SH3PXD2A: variants seen among roughly 807,000 people sequenced by gnomAD.
SH3PXD2A encodes the protein SH3 and PX domain-containing protein 2A.
In SH3PXD2A, 32 loss-of-function variants were observed where a neutral mutation model predicts 115.2. The ratio of observed to expected loss-of-function variants is 0.28; its 90% CI spans 0.21 to 0.37. The LOEUF (loss-of-function observed/expected upper bound fraction) is 0.37, where lower values mean the gene tolerates loss of function less well. Ranked by LOEUF, SH3PXD2A falls within the 10% of genes least tolerant of loss-of-function variation. The pLI is 1.00. For synonymous variants in SH3PXD2A, 610 were observed against 629.1 expected, an observed-to-expected ratio of 0.97 and a Z score of 0.45; for missense variants, 1,328 against 1,498.7, an observed-to-expected ratio of 0.89 and a Z score of 1.88.
chr10:103,708,050 C>T (rs916493748), intron 5 of SH3PXD2A, among the ~76,000 whole-genome samples: 2 of 152,180 alleles, frequency 1.3e-5, no homozygotes, highest in African/African-American at 4.8e-5. Flanking sequence ...TGTCCTCCTG[C>T]GCTCCTGGCT....
intron 7 of SH3PXD2A, among the ~76,000 whole-genome samples, chr10:103,668,337 G>A (rs1024077125): frequency 7.9e-4 from 120 of 152,382 alleles, no homozygotes; most frequent in African/African-American, 2.6e-3. Context: ...TGGCCAGGAC[G>A]TAGCAGAGCT....
intron 8 of SH3PXD2A, among the ~76,000 whole-genome samples, chr10:103,642,548 G>A (rs1253216997): frequency 6.6e-6 from 1 of 152,132 alleles, no homozygotes; most frequent in Non-Finnish European, 1.5e-5. Context: ...TGTGGTGCCT[G>A]GTCCTTCAGA....
At chr10:103,819,819 G>A (rs377653131) in intron 1 of SH3PXD2A, among the ~76,000 whole-genome samples, 4 of 152,110 alleles carry the variant, frequency 2.6e-5, no homozygotes, top group African/African-American at 9.6e-5. Context: ...AGTGAAATGC[G>A]TGGGGTCCCT....
chr10:103,728,897 G>GTTTTTTTTTTTTTT (rs57283527), intron 4 of SH3PXD2A, among the ~76,000 whole-genome samples: 4 of 135,902 alleles, frequency 2.9e-5, no homozygotes, highest in African/African-American at 5.4e-5. Flanking sequence ...TTGTTTGTTT[G>GTTTTTTTTTTTTTT]TTTTTTTTTT....
intron 2 of SH3PXD2A, among the ~76,000 whole-genome samples, chr10:103,793,584 A>C (rs548534050): frequency 1.6e-4 from 24 of 152,362 alleles, no homozygotes; most frequent in South Asian, 6.2e-4. Context: ...ACCTCAGTCA[A>C]GGCTGATGTT....
In SH3PXD2A at chr10:103,803,372, CAT is replaced by C. The variant is rs540020759; in HGVS notation, c.73-2012_73-2011del. Among the ~76,000 whole-genome samples, 22 of 152,282 alleles carry C rather than the reference CAT, an allele frequency of 1.4e-4. 1 individual carries two copies. The South Asian group carries it at 4.4e-3, about 30-fold the overall frequency. On this transcript the variant is annotated intron_variant, in intron 1 of 14. Coordinates refer to ENST00000369774, the MANE Select transcript of SH3PXD2A (RefSeq NM_001394015.1). ...TTACATCATATGTAAATAGGTATCACATGATACATTGTAAAACCATTTTGATA... is the reference window on the plus strand; with the variant it reads ...TTACATCATATGTAAATAGGTATCACGATACATTGTAAAACCATTTTGATA...
chr10:103,622,639 G>GGTGC, intron 9 of SH3PXD2A, 86 bp from the exon 10 acceptor site: 2 of 688,074 alleles, frequency 2.9e-6, no homozygotes, highest in Non-Finnish European at 5.1e-6. Flanking sequence ...ATGGGGGTGG[G>GGTGC]AGGAAGGGGC....
chr10:103,634,105 G>T (rs927076083), intron 8 of SH3PXD2A, among the ~76,000 whole-genome samples: 7 of 152,220 alleles, frequency 4.6e-5, no homozygotes, highest in African/African-American at 1.4e-4. Flanking sequence ...CTCCGCCCCC[G>T]GGAGCTTCCA....
intron 4 of SH3PXD2A, among the ~76,000 whole-genome samples, chr10:103,728,245 C>G (rs539336417): frequency 1.1e-4 from 16 of 152,258 alleles, no homozygotes; most frequent in African/African-American, 3.9e-4. Flanking sequence ...TGGGATGTGA[C>G]GTGGCACCTA....
chr10:103,809,544 A>G (rs2039243663), intron 1 of SH3PXD2A, among the ~76,000 whole-genome samples: 1 of 152,192 alleles, frequency 6.6e-6, no homozygotes, highest in South Asian at 2.1e-4. Context: ...AGGAGGGGAC[A>G]ATGGCAAATG....
chr10:103,672,414 G>C (rs146663922), intron 6 of SH3PXD2A, among the ~76,000 whole-genome samples: 1 of 152,328 alleles, frequency 6.6e-6, no homozygotes, highest in East Asian at 1.9e-4. Flanking sequence ...GCAGAAAACT[G>C]GTAGTCTCCA....
chr10:103,754,169 G>T (rs1208351622), intron 3 of SH3PXD2A: 1 of 152,166 alleles, frequency 6.6e-6, no homozygotes, highest in Non-Finnish European at 1.5e-5. Context: ...AGCAAAATAT[G>T]CTCCTTTCAA....
chr10:103,759,026 G>A (rs2038671474), intron 3 of SH3PXD2A, among the ~76,000 whole-genome samples: 2 of 152,156 alleles, frequency 1.3e-5, no homozygotes, highest in Non-Finnish European at 2.9e-5. Flanking sequence ...GGTGCCTGGT[G>A]GAGACACACA....
intron 13 of SH3PXD2A, among the ~76,000 whole-genome samples, chr10:103,610,257 G>C (rs2036405614): frequency 6.6e-6 from 1 of 152,250 alleles, no homozygotes; most frequent in Non-Finnish European, 1.5e-5. Flanking sequence ...CACAGCCCAG[G>C]CTCAGCCCAG....
At chr10:103,740,966 G>A (rs906289866) in intron 3 of SH3PXD2A, among the ~76,000 whole-genome samples, 7 of 152,334 alleles carry the variant, frequency 4.6e-5, no homozygotes, top group East Asian at 3.9e-4. Flanking sequence ...ATTGGGAAGG[G>A]AGTGGGCACG....
chr10:103,691,283 C>T (rs748764834), intron 6 of SH3PXD2A, among the ~76,000 whole-genome samples: 5 of 152,302 alleles, frequency 3.3e-5, no homozygotes, highest in Non-Finnish European at 5.9e-5. Flanking sequence ...AGGACTATTC[C>T]ACATTAACAT....
At chr10:103,618,684 G>A (rs977826839) in intron 10 of SH3PXD2A, among the ~76,000 whole-genome samples, 2 of 152,242 alleles carry the variant, frequency 1.3e-5, no homozygotes, top group Admixed American at 1.3e-4. Flanking sequence ...GTACCGATGG[G>A]AAGTGCTGTG....
intron 8 of SH3PXD2A, among the ~76,000 whole-genome samples, chr10:103,629,981 G>A (rs1398488248): frequency 6.6e-6 from 1 of 152,256 alleles, no homozygotes; most frequent in Non-Finnish European, 1.5e-5. Context: ...CCTGATTCAG[G>A]TTGGGAAAAT....
At chr10:103,790,986 C>T (rs1052136078) in intron 2 of SH3PXD2A, among the ~76,000 whole-genome samples, 3 of 152,258 alleles carry the variant, frequency 2.0e-5, no homozygotes, top group African/African-American at 7.2e-5. Context: ...GCTGATTTCT[C>T]TCCCTGAAAG....
Sources: gnomAD v4.1 joint callset for allele counts (sites outside exome capture counted in the v4.1 genomes callset) on GRCh38, gnomAD v4.1.1 for gene constraint, MANE v1.5 for transcripts, NCBI Gene and HGNC (gene_info 2026-07-23, HGNC 2026-07-21) for gene names.